Variants in KIF21B observed in about 807,000 individuals in gnomAD.
KIF21B encodes kinesin family member 21B.
Under a neutral mutation model 192.9 loss-of-function variants are expected in KIF21B, and 85 were observed. The ratio of observed to expected loss-of-function variants is 0.44; its 90% CI spans 0.37 to 0.53. The LOEUF (loss-of-function observed/expected upper bound fraction) is 0.53, where lower values mean the gene tolerates loss of function less well. Among genes scored for constraint, KIF21B ranks in the 20% least tolerant of loss-of-function variants. KIF21B has a pLI of 0.00. For synonymous variants in KIF21B, 832 were observed against 884.6 expected, an observed-to-expected ratio of 0.94 and a Z score of 1.05; for missense variants, 1,716 against 2,194.8, an observed-to-expected ratio of 0.78 and a Z score of 4.36.
rs772829037 is a variant in KIF21B at position 200,990,917 on chromosome 1, C to T, written c.2687G>A (p.Arg896Gln). 16 of 1,613,970 alleles carry T rather than the reference C, an allele frequency of 9.9e-6. No homozygotes were observed. Among genetic ancestry groups the T allele is most frequent in the East Asian group, 2.2e-5 (1 of 44,898 alleles). ...APTVNGTRPARKKFQKKGASQ... is the reference protein window; with the variant it reads ...APTVNGTRPAQKKFQKKGASQ... ...CCAGGGGACTGCCAGTCCACCTTAC[C>T]GGGCAGGACGGGTGCCATTGACAGT... is the stretch of plus-strand genomic sequence containing the variant. Residue 896 changes from arginine (R) to glutamine (Q), a missense_variant and splice_region_variant, in exon 18 of 35, where the codon CGA (arginine) becomes CAA (glutamine). Around this residue, in one of 3 missense-constraint regions of KIF21B, gnomAD observed 1,087 missense variants for 1,316.6 expected, o/e 0.83. Transcript: ENST00000461742. This position sits in a 1 kb window ranked among gnomAD's most constrained non-coding sequence, Gnocchi z 5.4.
Position 200,990,212 on chromosome 1 carries a change from C to T in KIF21B, c.2956G>A (p.Ala986Thr). ...QELAEEIEVL[A>T]ANIDYINDGI... ...TCATTGATGTAGTCAATGTTGGCTG[C>T]CAGCACCTCGATCTCCTCAGCCAGC... The change falls in exon 20 of 35, where the codon GCA (alanine) becomes ACA (threonine). Residue 986 changes from alanine (A) to threonine (T), a missense_variant. By Grantham distance (58) the Ala-to-Thr change is moderately conservative. Around this residue, in one of 3 missense-constraint regions of KIF21B, gnomAD observed 49 missense variants for 102.6 expected, o/e 0.48. Coordinates refer to ENST00000461742, the MANE Select transcript of KIF21B (RefSeq NM_001252102.2). This position sits in a 1 kb window ranked among gnomAD's most constrained non-coding sequence, Gnocchi z 5.4. 1.2e-6 allele frequency: 2 copies of T among 1,614,144 alleles called. No homozygotes were observed. The highest frequency in any genetic ancestry group is 8.5e-7 in the Non-Finnish European group (1 of 1,180,034).
Position 200,998,434 on chromosome 1 carries a change from T to C in KIF21B, c.2027A>G (p.Asn676Ser). Residue 676 changes from asparagine to serine, a missense_variant, in exon 14 of 35, where the codon AAC becomes AGC. Asn to Ser is a conservative substitution (Grantham distance 46). This residue lies in a region of KIF21B where 1,087 missense variants were observed against 1,316.6 expected (regional missense o/e 0.83). Transcript: ENST00000461742. This position sits in a 1 kb window ranked among gnomAD's most constrained non-coding sequence, Gnocchi z 4.3. ...QYEEKLILLQ[N>S]KIRDTQLERD... is the part of the protein sequence containing the mutation. ...CTCCAGCTGTGTGTCTCGGATCTTG[T>C]TCTGCAGCAGAATCAGCTTTTCCTC... The C allele has an allele frequency of 1.9e-6, 3 of 1,614,082 alleles. No individual in the cohort carries two copies. The highest frequency in any genetic ancestry group is 2.5e-6 in the Non-Finnish European group (3 of 1,180,024).
intron 1 of KIF21B, among the ~76,000 whole-genome samples, chr1:201,021,068 C>A (rs1167334700): frequency 6.6e-6 from 1 of 152,234 alleles, no homozygotes; most frequent in Non-Finnish European, 1.5e-5. Flanking sequence ...TACTGTAGTG[C>A]AGCCCACCAC....
chr1:200,988,655 C>T (rs1656465302), intron 22 of KIF21B, 111 bp from the exon 23 acceptor site: 1 of 1,482,796 alleles, frequency 6.7e-7, no homozygotes. Flanking sequence ...GACCAGGGCT[C>T]CTGGTGGGGG....
At chr1:201,007,241 C>A (rs1657914108) in intron 3 of KIF21B, among the ~76,000 whole-genome samples, 2 of 142,496 alleles carry the variant, frequency 1.4e-5, no homozygotes, top group Non-Finnish European at 3.1e-5. Context: ...GACACACACA[C>A]ACAGAGACAG....
Position 200,999,797 on chromosome 1 carries a change from T to C in KIF21B, c.1767+86A>G. On this transcript the variant is annotated intron_variant, in intron 12 of 34. Transcript: ENST00000461742. This position sits in a 1 kb window ranked among gnomAD's most constrained non-coding sequence, Gnocchi z 4.7. ...AGACCCAACCGCCTCCTTCACTCCA[T>C]ACAAGGATGCGGATGGGGCCCCCGC... 13 of 1,330,484 alleles carry C rather than the reference T, an allele frequency of 9.8e-6. No homozygotes were observed. Among genetic ancestry groups the C allele is most frequent in the Non-Finnish European group, 1.4e-5 (13 of 929,534 alleles). 82.4% of individuals were successfully genotyped at this position (1,330,484 alleles called of 1,614,324 possible).
At chr1:200,981,657 T>G (rs914935375) in intron 28 of KIF21B, among the ~76,000 whole-genome samples, 1 of 152,210 alleles carries the variant, frequency 6.6e-6, no homozygotes, top group African/African-American at 2.4e-5. Context: ...CAGAGAGCCA[T>G]GTGTACACAT....
At chr1:200,987,830 C>G (rs1176655498) in intron 24 of KIF21B, among the ~76,000 whole-genome samples, 2 of 152,148 alleles carry the variant, frequency 1.3e-5, no homozygotes, top group Non-Finnish European at 2.9e-5. Flanking sequence ...CTTAATAAAC[C>G]CTGCATCTTG....
rs1442128633 is a variant in KIF21B, at chr1:200,982,875, TGAGA to T, written c.3842+177_3842+180del. Among the ~76,000 whole-genome samples the T allele has an allele frequency of 2.1e-4, 32 of 151,644 alleles. No homozygotes were observed. The highest frequency in any genetic ancestry group is 5.9e-5 in the Non-Finnish European group (4 of 67,900). On this transcript the variant is annotated intron_variant, in intron 28 of 34. Coordinates refer to ENST00000461742, the MANE Select transcript of KIF21B (RefSeq NM_001252102.2). The surrounding 1 kb of genome is among the most constrained non-coding windows in gnomAD (Gnocchi z 4.7). Reference sequence around the variant, plus strand: ...GCAGTCCAAGGCCTTGTGGCCACCCTGAGAGAGAGGAACCATGGGGGCAGGAACA... The same window carrying T: ...GCAGTCCAAGGCCTTGTGGCCACCCTGAGAGGAACCATGGGGGCAGGAACA...
At chr1:200,996,593 T>C (rs1057026654) in intron 14 of KIF21B, among the ~76,000 whole-genome samples, 198 bp from the exon 15 acceptor site, 1 of 152,168 alleles carries the variant, frequency 6.6e-6, no homozygotes, top group South Asian at 2.1e-4. Context: ...CCCTTCCTGC[T>C]CTGACATCCT....
Position 201,003,215 on chromosome 1 carries a change from C to T in KIF21B, c.1212+371G>A, listed in dbSNP as rs536872086. 148 of 322,446 alleles carry T rather than the reference C, an allele frequency of 4.6e-4. 3 individuals carry two copies. The highest frequency in any genetic ancestry group is 4.0e-3 in the South Asian group (137 of 34,478). 20.0% of individuals were successfully genotyped at this position (322,446 alleles called of 1,614,324 possible). ...ATACTCCTGTGGGCCCCTCTATCAA[C>T]GATTCTGTGCCAGTCTAGCAGTCTT... On this transcript the variant is annotated intron_variant, in intron 8 of 34. Transcript: ENST00000461742.
At chr1:200,991,287 CA>C (rs1656679311) in intron 17 of KIF21B, 138 bp from the exon 18 acceptor site, 1 of 674,354 alleles carries the variant, frequency 1.5e-6, no homozygotes, top group African/African-American at 1.8e-5. Flanking sequence ...GCAAAAGGGC[CA>C]AGGGGTCTCT....
intron 16 of KIF21B, among the ~76,000 whole-genome samples, chr1:200,991,977 G>A (rs1656729778): frequency 6.6e-6 from 1 of 152,358 alleles, no homozygotes; most frequent in South Asian, 2.1e-4. Context: ...GGAGCGGAGG[G>A]CTCAGCCCTA....
rs770342344 is a variant in KIF21B, at chr1:200,977,428, G to A, written c.4161-52C>T. The stretch of plus-strand genomic sequence containing the variant: ...GAGGTCAAAACAATCCATGTGCACA[G>A]TGCAGGAAACCAATAAAACGTCACT... On this transcript the variant is annotated intron_variant, in intron 30 of 34. Transcript: ENST00000461742. The A allele has an allele frequency of 9.2e-5, 144 of 1,573,516 alleles. 1 individual carries two copies. In the South Asian group the frequency reaches 1.6e-3, roughly 17 times the overall value.
At chr1:200,988,647 C>A in intron 22 of KIF21B, 103 bp from the exon 23 acceptor site, 1 of 1,474,492 alleles carries the variant, frequency 6.8e-7, no homozygotes, top group Non-Finnish European at 9.2e-7. Context: ...TGGAATCAGA[C>A]CAGGGCTCCT....
intron 3 of KIF21B, among the ~76,000 whole-genome samples, chr1:201,007,587 T>C (rs1468600509): frequency 2.9e-3 from 213 of 73,626 alleles, no homozygotes; most frequent in Middle Eastern, 0.01. Flanking sequence ...GACACACACA[T>C]AGACACAGAG....
At chr1:201,011,866 T>C (rs997334244) in intron 1 of KIF21B, among the ~76,000 whole-genome samples, 1 of 152,228 alleles carries the variant, frequency 6.6e-6, no homozygotes, top group Non-Finnish European at 1.5e-5. Flanking sequence ...ATGGCAATGC[T>C]GATGATTGGA....
chr1:201,023,372 C>T lies in KIF21B; in HGVS notation c.12G>A (p.Gln4=). 2 of 1,528,244 alleles carry T rather than the reference C, an allele frequency of 1.3e-6. No individual in the cohort carries two copies. The highest frequency in any genetic ancestry group is 1.8e-6 in the Non-Finnish European group (2 of 1,140,146). The allele number at this position is 1,528,244 out of a possible 1,614,324, so 94.7% of individuals were successfully genotyped here. The change falls in exon 1 of 35, where the codon CAG becomes CAA. Residue 4 remains glutamine (Q), a synonymous_variant. Transcript: ENST00000461742. This position sits in a 1 kb window ranked among gnomAD's most constrained non-coding sequence, Gnocchi z 5.9. The part of the protein sequence containing the change: MAG[Q]GDCCVKVAVR... ...CGGCCACCTTGACGCAGCAGTCCCC[C>T]TGGCCGGCCATGGCCCTCTGGAGCT...
chr1:200,999,916 G>C lies in KIF21B; in HGVS notation c.1734C>G (p.Asn578Lys), dbSNP rs1255388970. 1 of 1,613,890 alleles carries C rather than the reference G, an allele frequency of 6.2e-7. No individual in the cohort carries two copies. The highest frequency in any genetic ancestry group is 8.5e-7 in the Non-Finnish European group (1 of 1,180,036). The change falls in exon 12 of 35, where the codon AAC becomes AAG. Residue 578 changes from asparagine to lysine, a missense_variant. Around this residue, in one of 3 missense-constraint regions of KIF21B, gnomAD observed 1,087 missense variants for 1,316.6 expected, o/e 0.83. Transcript: ENST00000461742. The surrounding 1 kb of genome is among the most constrained non-coding windows in gnomAD (Gnocchi z 4.7). ...FKKRAKLQQENSEETDENEAE... is the reference protein window; with the variant it reads ...FKKRAKLQQEKSEETDENEAE... Reference sequence around the variant, plus strand: ...CCTCGTTCTCATCCGTCTCCTCGCTGTTCTCCTGTTGGAGTTTTGCCCTCT... The same window carrying C: ...CCTCGTTCTCATCCGTCTCCTCGCTCTTCTCCTGTTGGAGTTTTGCCCTCT...
Sources: gnomAD v4.1 joint callset for allele counts (sites outside exome capture counted in the v4.1 genomes callset) on GRCh38, gnomAD v4.1.1 for gene constraint, gnomAD v4.1.1 regional missense constraint, Gnocchi (gnomAD v3.1) non-coding constraint, MANE v1.5 for transcripts, NCBI Gene and HGNC (gene_info 2026-07-23, HGNC 2026-07-21) for gene names.